PRKCZ: variants seen among roughly 807,000 people sequenced by gnomAD.
PRKCZ encodes the protein protein kinase C zeta.
A neutral mutation model predicts 79.5 loss-of-function variants in PRKCZ; 33 were observed. That is an observed-to-expected ratio of 0.41 (90% CI 0.31 to 0.55). The LOEUF is 0.55. Ranked by LOEUF, PRKCZ falls within the 20% of genes least tolerant of loss-of-function variation. The pLI is 0.19. For synonymous variants in PRKCZ, 342 were observed against 320.9 expected (o/e 1.07, Z -0.70); for missense variants, 578 against 813.5 (o/e 0.71, Z 3.52).
intron 1 of PRKCZ, among the ~76,000 whole-genome samples, chr1:2,052,615 G>C (rs995510834): frequency 2.6e-5 from 4 of 151,860 alleles, no homozygotes; most frequent in African/African-American, 9.7e-5. Flanking sequence ...CTCTGCTGCA[G>C]AGTGTGAAGT....
intron 4 of PRKCZ, among the ~76,000 whole-genome samples, chr1:2,093,592 G>A (rs1665899641): frequency 6.6e-6 from 1 of 152,142 alleles, no homozygotes; most frequent in Non-Finnish European, 1.5e-5. Context: ...GCTCGCTGCA[G>A]TGGCTGGTGC....
chr1:2,184,598 G>T lies in PRKCZ; in HGVS notation c.1591G>T (p.Ala531Ser). Residue 531 changes from alanine to serine, a missense_variant, in exon 17 of 18, where the codon GCG (alanine) becomes TCG (serine). By Grantham distance (99) the Ala-to-Ser change is moderately conservative (BLOSUM62 1). Coordinates refer to ENST00000378567, the MANE Select transcript of PRKCZ (RefSeq NM_002744.6). ...IDWDLLEKKQ[A>S]LPPFQPQITD... ...TTTTTCCAAGCTGGAGAAGAAGCAGGCGCTCCCTCCATTCCAGCCACAGAT... is the reference window on the plus strand; with the variant it reads ...TTTTTCCAAGCTGGAGAAGAAGCAGTCGCTCCCTCCATTCCAGCCACAGAT... The T allele has an allele frequency of 6.2e-7, 1 of 1,613,862 alleles. No individual in the cohort carries two copies. The highest frequency in any genetic ancestry group is 8.5e-7 in the Non-Finnish European group (1 of 1,179,944).
chr1:2,145,340 G>C (rs143112827), intron 6 of PRKCZ: 1 of 152,196 alleles, frequency 6.6e-6, no homozygotes, highest in Non-Finnish European at 1.5e-5. Flanking sequence ...ATCTGCAGGC[G>C]GAACCCAGAG....
chr1:2,096,750 C>G (rs957251322), intron 4 of PRKCZ, among the ~76,000 whole-genome samples: 7 of 152,306 alleles, frequency 4.6e-5, no homozygotes, highest in South Asian at 4.1e-4. Context: ...GGAACTTCCC[C>G]AGATTCCTGA....
chr1:2,063,090 C>T (rs1389317851), intron 4 of PRKCZ, among the ~76,000 whole-genome samples: 3 of 152,170 alleles, frequency 2.0e-5, no homozygotes, highest in African/African-American at 7.2e-5. Flanking sequence ...CCATGCGTAG[C>T]CTGTGTCACA....
chr1:2,135,059 G>A (rs761388467), intron 4 of PRKCZ: 4 of 482,688 alleles, frequency 8.3e-6, no homozygotes, highest in Non-Finnish European at 1.5e-5. Context: ...GTCTCCAGCC[G>A]CCGAGGCCGT....
rs1249131147 is a variant in PRKCZ, at chr1:2,184,705, C to T, written c.1691+7C>T. ...AGCTGACCCCAGACGATGAGTGAGT[C>T]CCACTGGGTGCGGGTCCCTGGAGCA... On this transcript the variant is annotated splice_region_variant and intron_variant, in intron 17 of 17. Coordinates refer to ENST00000378567, the MANE Select transcript of PRKCZ (RefSeq NM_002744.6). 3.7e-6 allele frequency: 6 copies of T among 1,610,692 alleles called. No homozygotes were observed. In the South Asian group the frequency reaches 5.5e-5, roughly 15 times the overall value.
At position 2,050,450 on chromosome 1, in the gene PRKCZ, C is replaced by G; in HGVS notation, c.-181C>G. 4.7e-6 allele frequency: 1 copy of G among 214,906 alleles called. No homozygotes were observed. The highest frequency in any genetic ancestry group is 8.9e-6 in the Non-Finnish European group (1 of 112,376). The allele number at this position is 214,906 out of a possible 1,614,324, so 13.3% of individuals were successfully genotyped here. ...CCCCGCCCCCGCCGGACGGTCCCGCCCCGCGCGCCCCCCGCTCCCGCCCCG... is the reference window on the plus strand; with the variant it reads ...CCCCGCCCCCGCCGGACGGTCCCGCGCCGCGCGCCCCCCGCTCCCGCCCCG... On this transcript the variant is annotated 5_prime_UTR_variant, in exon 1 of 18. Coordinates refer to ENST00000378567, the MANE Select transcript of PRKCZ (RefSeq NM_002744.6).
chr1:2,055,031 C>G (rs898036628), intron 1 of PRKCZ, among the ~76,000 whole-genome samples: 2 of 151,928 alleles, frequency 1.3e-5, no homozygotes, highest in African/African-American at 4.8e-5. Flanking sequence ...CAAGCTCCGC[C>G]TCCCGGGTTC....
At chr1:2,059,515 G>A (rs375919948) in intron 3 of PRKCZ, 26 bp from the exon 4 acceptor site, 7 of 1,613,636 alleles carry the variant, frequency 4.3e-6, no homozygotes, top group African/African-American at 1.3e-5. Context: ...GGGTCTTGAC[G>A]CTGTCTCTTT....
chr1:2,110,559 T>G (rs986968697), intron 4 of PRKCZ, among the ~76,000 whole-genome samples: 2 of 152,170 alleles, frequency 1.3e-5, no homozygotes, highest in Non-Finnish European at 2.9e-5. Context: ...AAACAGAGAC[T>G]CCTCTGGTAC....
At chr1:2,052,868 C>T (rs554174390) in intron 1 of PRKCZ, among the ~76,000 whole-genome samples, 85 of 152,288 alleles carry the variant, frequency 5.6e-4, no homozygotes, top group African/African-American at 1.9e-3. Context: ...AGGAAGAGCA[C>T]TTCAGTCACC....
intron 9 of PRKCZ, among the ~76,000 whole-genome samples, chr1:2,152,953 G>C (rs965014878): frequency 6.6e-6 from 1 of 152,264 alleles, no homozygotes; most frequent in African/African-American, 2.4e-5. Context: ...GAAGGTTCGC[G>C]TACAAGAATC....
At chr1:2,101,806 G>C (rs1018001263) in intron 4 of PRKCZ, among the ~76,000 whole-genome samples, 1 of 152,220 alleles carries the variant, frequency 6.6e-6, no homozygotes, top group African/African-American at 2.4e-5. Flanking sequence ...TGGCAGAGGC[G>C]TAGTGGATGC....
chr1:2,102,838 C>T (rs547675276), intron 4 of PRKCZ, among the ~76,000 whole-genome samples: 2 of 152,102 alleles, frequency 1.3e-5, no homozygotes, highest in East Asian at 1.9e-4. Context: ...GGGGCCTTAC[C>T]CTTTGGACTC....
In PRKCZ at chr1:2,128,209, T is replaced by C. The variant is rs1674312878; in HGVS notation, c.335-7053T>C. 6.6e-6 allele frequency among the ~76,000 whole-genome samples: 1 copy of C among 152,252 alleles called. No individual in the cohort carries two copies. Among genetic ancestry groups the C allele is most frequent in the African/African-American group, 2.4e-5 (1 of 41,470 alleles). On this transcript the variant is annotated intron_variant, in intron 4 of 17. Coordinates refer to ENST00000378567, the MANE Select transcript of PRKCZ (RefSeq NM_002744.6). The surrounding 1 kb of genome is among the most constrained non-coding windows in gnomAD (Gnocchi z 6.5). ...GACCTGGGCCACCATAGAAGGCACCTGGCTATCTGCATGTGGCTTGACCAC... is the reference window on the plus strand; with the variant it reads ...GACCTGGGCCACCATAGAAGGCACCCGGCTATCTGCATGTGGCTTGACCAC...
At chr1:2,145,614 C>T (rs574836679) in intron 6 of PRKCZ, 3 of 191,326 alleles carry the variant, frequency 1.6e-5, no homozygotes, top group African/African-American at 2.4e-5. Context: ...ATATGTAAAT[C>T]ATAAATAGTC....
Position 2,146,123 on chromosome 1 carries a change from C to T in PRKCZ, c.634+15C>T. ...GACAGATGGAAGTAGGCGCTGCTTT[C>T]TTCCGGCCGGGTAGAGCCTGGGCAT... On this transcript the variant is annotated intron_variant, in intron 7 of 17. Transcript: ENST00000378567. 1.2e-6 allele frequency: 2 copies of T among 1,609,378 alleles called. No individual in the cohort carries two copies. The highest frequency in any genetic ancestry group is 8.5e-7 in the Non-Finnish European group (1 of 1,175,720).
At chr1:2,157,719 T>G (rs1266648200) in intron 10 of PRKCZ, among the ~76,000 whole-genome samples, 1 of 151,168 alleles carries the variant, frequency 6.6e-6, no homozygotes, top group Non-Finnish European at 1.5e-5. Context: ...AGAGTTTTTT[T>G]TTTTTTTTTT....
Sources: allele counts gnomAD v4.1 joint callset (sites outside exome capture counted in the v4.1 genomes callset), GRCh38; gene constraint gnomAD v4.1.1; non-coding constraint Gnocchi (gnomAD v3.1); transcripts MANE v1.5; gene names NCBI Gene and HGNC (gene_info 2026-07-23, HGNC 2026-07-21).